Variants in CNTN3 observed in about 807,000 individuals in gnomAD.
The protein encoded by CNTN3 is contactin-3.
Under a neutral mutation model 119.1 loss-of-function variants are expected in CNTN3, and 60 were observed. The observed-to-expected ratio is 0.50, with a 90% CI of 0.41 to 0.62. CNTN3 has a LOEUF of 0.62. CNTN3 is among the 20% of genes least tolerant of loss of function. The pLI, the probability that CNTN3 is intolerant of heterozygous loss-of-function variation, is 0.00. For synonymous variants in CNTN3, 450 were observed against 438.7 expected, an observed-to-expected ratio of 1.03 and a Z score of -0.32; for missense variants, 1,101 against 1,242.4, an observed-to-expected ratio of 0.89 and a Z score of 1.71.
intron 1 of CNTN3, among the ~76,000 whole-genome samples, chr3:74,567,339 T>G (rs1575834773): frequency 2.4e-5 from 1 of 41,814 alleles, no homozygotes; most frequent in East Asian, 6.9e-4. Flanking sequence ...TTTTTTTTTT[T>G]TGTAGAGAGG....
chr3:74,426,191 T>C (rs1315405545), intron 4 of CNTN3, among the ~76,000 whole-genome samples: 3 of 152,078 alleles, frequency 2.0e-5, no homozygotes, highest in African/African-American at 7.2e-5. Context: ...AAGAAAGATC[T>C]GTTTCTTTAA....
At chr3:74,538,171 C>A (rs1703792201) in intron 1 of CNTN3, among the ~76,000 whole-genome samples, 1 of 152,076 alleles carries the variant, frequency 6.6e-6, no homozygotes, top group Non-Finnish European at 1.5e-5. Flanking sequence ...TGATGAGTTG[C>A]ATTTGAGATC....
intron 17 of CNTN3, among the ~76,000 whole-genome samples, chr3:74,299,214 A>C (rs1702404971): frequency 6.6e-6 from 1 of 152,226 alleles, no homozygotes; most frequent in Admixed American, 6.5e-5. Flanking sequence ...TCAAAAAAAA[A>C]GGAAAAAAAT....
intron 11 of CNTN3, among the ~76,000 whole-genome samples, chr3:74,342,823 A>G (rs2106728212): frequency 6.6e-6 from 1 of 152,310 alleles, no homozygotes; most frequent in South Asian, 2.1e-4. Context: ...ATTATATACA[A>G]CTATCATCTA....
intron 11 of CNTN3, among the ~76,000 whole-genome samples, chr3:74,349,960 C>A (rs901005783): frequency 4.7e-4 from 72 of 152,166 alleles, no homozygotes; most frequent in African/African-American, 1.7e-3. Flanking sequence ...GATTCATTAA[C>A]CTGCATTCCC....
At chr3:74,502,319 A>C (rs1437239001) in intron 2 of CNTN3, among the ~76,000 whole-genome samples, 1 of 152,058 alleles carries the variant, frequency 6.6e-6, no homozygotes, top group African/African-American at 2.4e-5. Context: ...AATTTCCTCT[A>C]AGTGGTCACA....
intron 1 of CNTN3, among the ~76,000 whole-genome samples, chr3:74,568,039 A>G (rs1704253906): frequency 6.6e-6 from 1 of 152,188 alleles, no homozygotes; most frequent in Non-Finnish European, 1.5e-5. Flanking sequence ...CTTTTTCTAA[A>G]CCAAAATAGA....
In CNTN3 at chr3:74,263,467, T is replaced by C. The variant is rs1701613388; in HGVS notation, c.*934A>G. On this transcript the variant is annotated 3_prime_UTR_variant, in exon 23 of 23. Transcript: ENST00000263665. ...CCTGATTTTTTCCTCTAGGTTTTAATAAAACCTGAAAGCTTATTCATAGCT... is the reference window on the plus strand; with the variant it reads ...CCTGATTTTTTCCTCTAGGTTTTAACAAAACCTGAAAGCTTATTCATAGCT... 6.6e-6 allele frequency: 1 copy of C among 152,086 alleles called. No homozygotes were observed. The highest frequency in any genetic ancestry group is 1.5e-5 in the Non-Finnish European group (1 of 67,982). 9.4% of individuals were successfully genotyped at this position (152,086 alleles called of 1,614,324 possible). A position where few individuals can be genotyped will look rare whatever the true frequency, so the allele number is the denominator to read the frequency against.
chr3:74,527,450 G>A (rs1703636237), intron 1 of CNTN3, among the ~76,000 whole-genome samples: 1 of 151,866 alleles, frequency 6.6e-6, no homozygotes, highest in African/African-American at 2.4e-5. Flanking sequence ...ATTCTGAGAT[G>A]CTATGTGTTG....
chr3:74,348,443 G>A (rs1703742899), intron 11 of CNTN3, among the ~76,000 whole-genome samples: 1 of 152,140 alleles, frequency 6.6e-6, no homozygotes. Context: ...GAAAGTGATG[G>A]TGTCTTCAGA....
At chr3:74,582,391 G>A (rs1704526033) in intron 1 of CNTN3, among the ~76,000 whole-genome samples, 1 of 114,440 alleles carries the variant, frequency 8.7e-6, no homozygotes, top group Admixed American at 1.0e-4. Context: ...GGGCGACAGA[G>A]CGAGACTCCG....
intron 5 of CNTN3, among the ~76,000 whole-genome samples, chr3:74,379,527 C>T (rs1704564937): frequency 6.6e-6 from 1 of 152,130 alleles, no homozygotes; most frequent in African/African-American, 2.4e-5. Context: ...AACTGAAGTG[C>T]TTACCTTCAT....
chr3:74,572,684 T>G (rs1223603668), intron 1 of CNTN3, among the ~76,000 whole-genome samples: 1 of 152,244 alleles, frequency 6.6e-6, no homozygotes, highest in Non-Finnish European at 1.5e-5. Flanking sequence ...TTTTGGATTT[T>G]ATTAAATAAC....
chr3:74,415,325 A>C lies in CNTN3; in HGVS notation c.454+9520T>G, dbSNP rs532602774. On this transcript the variant is annotated intron_variant, in intron 5 of 22. Transcript: ENST00000263665. ...TGGGGGAAATTCACCTGTAGACTGA[A>C]AGTGTAAGTTGTAATGAATGAATGA... Among the ~76,000 whole-genome samples, 47 of 152,192 alleles carry C rather than the reference A, an allele frequency of 3.1e-4. No individual in the cohort carries two copies. In the South Asian group the frequency reaches 9.1e-3, roughly 30 times the overall value.
chr3:74,614,555 C>G lies in CNTN3; in HGVS notation c.-245G>C, dbSNP rs1705141968. Among the ~76,000 whole-genome samples the G allele has an allele frequency of 1.3e-5, 2 of 148,188 alleles. No homozygotes were observed. Among genetic ancestry groups the G allele is most frequent in the Non-Finnish European group, 1.5e-5 (1 of 66,640 alleles). Reference sequence around the variant, plus strand: ...GCCGCAGGCGCAGCACCCTCGTCCGCACGGTTCCCGGCCCAGTCCACGGCG... The same window carrying G: ...GCCGCAGGCGCAGCACCCTCGTCCGGACGGTTCCCGGCCCAGTCCACGGCG... On this transcript the variant is annotated 5_prime_UTR_variant, in exon 1 of 23. Coordinates refer to ENST00000263665, the MANE Select transcript of CNTN3 (RefSeq NM_020872.3).
At chr3:74,478,863 A>G (rs1702708364) in intron 4 of CNTN3, among the ~76,000 whole-genome samples, 1 of 152,160 alleles carries the variant, frequency 6.6e-6, no homozygotes, top group Admixed American at 6.6e-5. Context: ...AAAGCAACTA[A>G]CCATCATTTA....
chr3:74,366,807 T>TATATATATATATATA (rs1287883934), intron 8 of CNTN3, among the ~76,000 whole-genome samples: 2 of 132,676 alleles, frequency 1.5e-5, no homozygotes, highest in African/African-American at 2.7e-5. Context: ...TATATATATA[T>TATATATATATATATA]AACTTGCTCA....
At chr3:74,475,808 C>G (rs1246966231) in intron 4 of CNTN3, among the ~76,000 whole-genome samples, 1 of 152,174 alleles carries the variant, frequency 6.6e-6, no homozygotes. Context: ...CAAGGTCATT[C>G]ACAGGTACGT....
At chr3:74,478,400 G>A (rs1436139223) in intron 4 of CNTN3, among the ~76,000 whole-genome samples, 1 of 152,086 alleles carries the variant, frequency 6.6e-6, no homozygotes, top group African/African-American at 2.4e-5. Context: ...TCTCAAAAAA[G>A]GGTAAGGAGA....
Sources: allele counts gnomAD v4.1 joint callset (sites outside exome capture counted in the v4.1 genomes callset), GRCh38; gene constraint gnomAD v4.1.1; transcripts MANE v1.5; gene names NCBI Gene and HGNC (gene_info 2026-07-23, HGNC 2026-07-21).